The following DACH2 variants were observed in gnomAD, a reference collection of about 807,000 sequenced individuals.
DACH2 encodes the protein dachshund family transcription factor 2, also known as dachshund homolog 2.
In DACH2, 17 loss-of-function variants were observed where a neutral mutation model predicts 35.8. The observed-to-expected ratio is 0.48, with a 90% CI of 0.33 to 0.71. DACH2 has a LOEUF of 0.71. DACH2 is among the 30% of genes least tolerant of loss of function. The pLI is 0.02. For synonymous variants in DACH2, 195 were observed against 177.3 expected, an observed-to-expected ratio of 1.10 and a Z score of -0.79; for missense variants, 469 against 472.7, an observed-to-expected ratio of 0.99 and a Z score of 0.07.
At chrX:86,691,418 A>G (rs967965745) in intron 4 of DACH2, among the ~76,000 whole-genome samples, 2 of 111,829 alleles carry the variant, frequency 1.8e-5, no homozygotes, top group African/African-American at 3.2e-5. Flanking sequence ...TCCATGATGT[A>G]CTTATTTCAC....
intron 3 of DACH2, among the ~76,000 whole-genome samples, chrX:86,546,357 C>CTTCTTCTTCTTCTTCTTCTTCTTCTTCT (rs2038959347): frequency 2.0e-5 from 1 of 50,068 alleles, no homozygotes; most frequent in Non-Finnish European, 3.3e-5. Context: ...CTTCTTCTTC[C>CTTCTTCTTCTTCTTCTTCTTCTTCTTCT]TCTTCTTCTT....
At chrX:86,753,474 C>T (rs2041796250) in intron 7 of DACH2, among the ~76,000 whole-genome samples, 3 of 111,413 alleles carry the variant, frequency 2.7e-5, no homozygotes, top group Non-Finnish European at 5.7e-5. Context: ...TAGATCAGAC[C>T]TGATCTTGTT....
chrX:86,415,142 A>C (rs748242458), intron 2 of DACH2, among the ~76,000 whole-genome samples: 4 of 112,140 alleles, frequency 3.6e-5, no homozygotes, highest in African/African-American at 9.7e-5. Flanking sequence ...TTTATTACCA[A>C]TATGTCCTGA....
At chrX:86,184,229 A>G (rs1307524479) in intron 1 of DACH2, 2 of 121,521 alleles carry the variant, frequency 1.6e-5, no homozygotes, top group South Asian at 1.0e-4. Flanking sequence ...TTTTTTTTTG[A>G]TAGAGTTTCG....
chrX:86,613,435 T>G (rs1053766425), intron 3 of DACH2, among the ~76,000 whole-genome samples: 1 of 111,593 alleles, frequency 9.0e-6, no homozygotes, highest in African/African-American at 3.3e-5. Context: ...AAAAAAAACT[T>G]TATTCCTTAT....
chrX:86,615,708 G>A (rs147965006), intron 3 of DACH2, among the ~76,000 whole-genome samples: 1,200 of 110,286 alleles, frequency 0.011, 18 homozygotes, highest in African/African-American at 0.037. Context: ...TCCTGTAACC[G>A]GTATTATATA....
chrX:86,294,353 T>C (rs775669360), intron 1 of DACH2, among the ~76,000 whole-genome samples: 1,290 of 110,147 alleles, frequency 0.012, 14 homozygotes, highest in African/African-American at 0.039. Flanking sequence ...TTTCAACTTC[T>C]TTGCCTTTGG....
At chrX:86,798,140 A>G (rs929477448) in intron 7 of DACH2, among the ~76,000 whole-genome samples, 3 of 112,231 alleles carry the variant, frequency 2.7e-5, no homozygotes, top group Non-Finnish European at 5.6e-5. Context: ...AAAAGAGAGC[A>G]TAGTCTCCAA....
intron 4 of DACH2, among the ~76,000 whole-genome samples, chrX:86,656,857 G>GTATATATA (rs752576150): frequency 0.021 from 1,368 of 66,633 alleles, 27 homozygotes; most frequent in East Asian, 0.066. Flanking sequence ...GTGTGTGTGT[G>GTATATATA]TATATATATA....
intron 2 of DACH2, among the ~76,000 whole-genome samples, chrX:86,444,711 TA>T (rs1323553940): frequency 2.7e-5 from 3 of 111,545 alleles, no homozygotes; most frequent in Non-Finnish European, 3.8e-5. Flanking sequence ...TGATTTTGTT[TA>T]CCTTTTCATA....
chrX:86,435,928 C>A (rs959054501), intron 2 of DACH2, among the ~76,000 whole-genome samples: 3 of 111,513 alleles, frequency 2.7e-5, no homozygotes, highest in Non-Finnish European at 5.7e-5. Context: ...AAATCTGTTT[C>A]TCCTAAACTT....
chrX:86,279,254 A>G (rs1245949329), intron 1 of DACH2, among the ~76,000 whole-genome samples: 1 of 111,236 alleles, frequency 9.0e-6, no homozygotes, highest in Admixed American at 9.5e-5. Context: ...ACAGGGAGAC[A>G]CCTCCCAGCA....
chrX:86,250,028 C>T (rs1423801211), intron 1 of DACH2, among the ~76,000 whole-genome samples: 1 of 110,606 alleles, frequency 9.0e-6, no homozygotes, highest in Non-Finnish European at 1.9e-5. Flanking sequence ...AAGAAGGAAA[C>T]AACAGACACC....
intron 5 of DACH2, among the ~76,000 whole-genome samples, chrX:86,714,314 G>T (rs767744368): frequency 8.9e-6 from 1 of 111,736 alleles, no homozygotes; most frequent in South Asian, 3.7e-4. Context: ...ATAAATATTT[G>T]GGAAGTGAAA....
intron 1 of DACH2, among the ~76,000 whole-genome samples, chrX:86,302,097 GA>G (rs1427163570): frequency 9.0e-6 from 1 of 111,394 alleles, no homozygotes; most frequent in Non-Finnish European, 1.9e-5. Context: ...AAAATGAAAG[GA>G]AAAGGACAGG....
At chrX:86,256,177 A>G (rs1178854433) in intron 1 of DACH2, among the ~76,000 whole-genome samples, 1 of 111,658 alleles carries the variant, frequency 9.0e-6, no homozygotes, top group Non-Finnish European at 1.9e-5. Context: ...TACCTCTTTT[A>G]GGGAAACATA....
chrX:86,781,164 C>A (rs1266762937), intron 7 of DACH2, among the ~76,000 whole-genome samples: 2 of 111,632 alleles, frequency 1.8e-5, no homozygotes, highest in East Asian at 2.8e-4. Context: ...TGCAGGTCAG[C>A]CACTTGCATA....
chrX:86,555,147 C>T (rs1196431110), intron 3 of DACH2, among the ~76,000 whole-genome samples: 3 of 111,638 alleles, frequency 2.7e-5, no homozygotes, highest in Non-Finnish European at 5.7e-5. Context: ...GTAACAGGTT[C>T]CTCATGCTAT....
At chrX:86,450,319 C>T (rs982159794) in intron 2 of DACH2, among the ~76,000 whole-genome samples, 1 of 111,231 alleles carries the variant, frequency 9.0e-6, no homozygotes, top group East Asian at 2.8e-4. Flanking sequence ...TGAGAACATG[C>T]AGTGTTTGGT....
Sources: gnomAD v4.1 joint callset for allele counts (sites outside exome capture counted in the v4.1 genomes callset) on GRCh38, gnomAD v4.1.1 for gene constraint, MANE v1.5 for transcripts, NCBI Gene and HGNC (gene_info 2026-07-23, HGNC 2026-07-21) for gene names.